Variants in ZC3H18 observed in about 807,000 individuals in gnomAD.
ZC3H18 encodes zinc finger CCCH domain-containing protein 18.
ZC3H18 carries 8 observed loss-of-function variants against 106.1 expected under a neutral mutation model. That is an observed-to-expected ratio of 0.08 (90% CI 0.04 to 0.14). ZC3H18 has a LOEUF of 0.14. ZC3H18 is among the 10% of genes least tolerant of loss of function. The pLI, the probability that ZC3H18 is intolerant of heterozygous loss-of-function variation, is 1.00. For missense variants in ZC3H18, 1,318 were observed against 1,278.4 expected, an observed-to-expected ratio of 1.03 and a Z score of -0.47; for synonymous variants, 635 against 522.1, an observed-to-expected ratio of 1.22 and a Z score of -2.95.
rs368867838 is a variant in ZC3H18 at position 88,622,256 on chromosome 16, C to T, written c.1535C>T (p.Ala512Val). The T allele has an allele frequency of 6.2e-7, 1 of 1,614,004 alleles. No individual in the cohort carries two copies. Among genetic ancestry groups the T allele is most frequent in the Non-Finnish European group, 8.5e-7 (1 of 1,180,002 alleles). The part of the protein sequence containing the change: ...AATTGPQVKR[A>V]DEWKDPWRRS... ...ACCACGGGGCCGCAGGTGAAGAGAG[C>T]AGATGAGTGGAAGGACCCTTGGCGC... is the stretch of plus-strand genomic sequence containing the variant. The change falls in exon 9 of 18, where the codon GCA becomes GTA. Residue 512 changes from alanine (A) to valine (V), a missense_variant. Physicochemically the swap from Ala to Val is moderately conservative, Grantham distance 64 (BLOSUM62 0). This residue lies in a region of ZC3H18 where 848 missense variants were observed against 821.7 expected (regional missense o/e 1.03). Transcript: ENST00000301011.
At chr16:88,592,569 G>T (rs1915814928) in intron 3 of ZC3H18, among the ~76,000 whole-genome samples, 1 of 152,146 alleles carries the variant, frequency 6.6e-6, no homozygotes, top group South Asian at 2.1e-4. Flanking sequence ...CCACCTCCCG[G>T]GTTCAAACGA....
chr16:88,623,510 C>CA, intron 10 of ZC3H18, 166 bp downstream of exon 10: 2 of 910,662 alleles, frequency 2.2e-6, no homozygotes, highest in South Asian at 3.5e-5. Flanking sequence ...CCCCACCAAA[C>CA]ACCAGCCTTG....
intron 3 of ZC3H18, among the ~76,000 whole-genome samples, chr16:88,596,800 A>C (rs548911688): frequency 6.6e-6 from 1 of 152,366 alleles, no homozygotes; most frequent in South Asian, 2.1e-4. Context: ...GAGGCAAACC[A>C]TGAAGAGCTC....
intron 8 of ZC3H18, among the ~76,000 whole-genome samples, chr16:88,612,572 G>A (rs1044040412): frequency 1.2e-4 from 18 of 151,794 alleles, no homozygotes; most frequent in African/African-American, 4.1e-4. Flanking sequence ...AGCTACTCGG[G>A]AGGCCAAGGC....
chr16:88,627,926 C>A lies in ZC3H18; in HGVS notation c.2276C>A (p.Ser759Tyr), dbSNP rs1399164255. Residue 759 changes from serine (S) to tyrosine (Y), a missense_variant, in exon 15 of 18, where the codon TCT (serine) becomes TAT (tyrosine). Coordinates refer to ENST00000301011, the MANE Select transcript of ZC3H18 (RefSeq NM_144604.4). This position sits in a 1 kb window ranked among gnomAD's most constrained non-coding sequence, Gnocchi z 4.5. ...PAQTRKEKGK[S>Y]KKEDGVKEEK... ...GCGGATTTATCATTGGTAGGAAAATCTAAGAAAGAAGACGGTGTTAAAGAG... is the reference window on the plus strand; with the variant it reads ...GCGGATTTATCATTGGTAGGAAAATATAAGAAAGAAGACGGTGTTAAAGAG... 6.2e-7 allele frequency: 1 copy of A among 1,614,016 alleles called. No individual in the cohort carries two copies. The highest frequency in any genetic ancestry group is 1.1e-5 in the South Asian group (1 of 91,090).
chr16:88,599,895 T>C lies in ZC3H18; in HGVS notation c.1035T>C (p.Asn345=). Residue 345 remains asparagine (N), a synonymous_variant, in exon 6 of 18, where the codon AAT becomes AAC. Transcript: ENST00000301011. The part of the protein sequence containing the change: ...GEDEREFDKE[N]EVFRDWNSRI... Reference sequence around the variant, plus strand: ...ACGAACGGGAATTTGACAAAGAAAATGAAGTTTTTCGAGATTGGAATTCTC... The same window carrying C: ...ACGAACGGGAATTTGACAAAGAAAACGAAGTTTTTCGAGATTGGAATTCTC... The C allele has an allele frequency of 1.2e-6, 2 of 1,614,058 alleles. No homozygotes were observed. The highest frequency in any genetic ancestry group is 1.7e-6 in the Non-Finnish European group (2 of 1,180,018).
In ZC3H18 at chr16:88,598,272, G is replaced by A. The variant is rs372857947; in HGVS notation, c.783G>A (p.Pro261=). The change falls in exon 4 of 18, where the codon CCG becomes CCA. Residue 261 remains proline (P), a synonymous_variant. Transcript: ENST00000301011. ...TAATCACCAAAGCCGACCCCTTCCCGCCTAATGGTGCCCCGCCTCTCGGAC... is the reference window on the plus strand; with the variant it reads ...TAATCACCAAAGCCGACCCCTTCCCACCTAATGGTGCCCCGCCTCTCGGAC... The part of the protein sequence containing the change: ...YSLITKADPF[P]PNGAPPLGPH... 1.3e-5 allele frequency: 21 copies of A among 1,612,518 alleles called. No homozygotes were observed. The South Asian group carries it at 1.3e-4, about 10-fold the overall frequency.
chr16:88,587,400 G>A (rs1467765042), intron 3 of ZC3H18: 4 of 665,574 alleles, frequency 6.0e-6, no homozygotes, highest in South Asian at 1.9e-5. Flanking sequence ...CATATTTCTT[G>A]TAATTCAGCG....
At chr16:88,583,945 C>T (rs1260171714) in intron 2 of ZC3H18, among the ~76,000 whole-genome samples, 3 of 152,196 alleles carry the variant, frequency 2.0e-5, no homozygotes, top group African/African-American at 7.2e-5. Flanking sequence ...GGAGTTCCTG[C>T]GTGGCAGACA....
intron 8 of ZC3H18, among the ~76,000 whole-genome samples, chr16:88,615,062 G>T (rs1466563780): frequency 7.0e-6 from 1 of 142,578 alleles, no homozygotes; most frequent in Non-Finnish European, 1.5e-5. Context: ...CCTCTGCCTG[G>T]ACGGGCTGCC....
At chr16:88,625,066 C>T in intron 12 of ZC3H18, 136 bp from the exon 13 acceptor site, 1 of 1,036,534 alleles carries the variant, frequency 9.6e-7, no homozygotes, top group Non-Finnish European at 1.4e-6. Context: ...TAAAGGAAGA[C>T]AGGCCCAGGC....
At chr16:88,629,092 A>G (rs1906503484) in intron 16 of ZC3H18, among the ~76,000 whole-genome samples, 1 of 152,246 alleles carries the variant, frequency 6.6e-6, no homozygotes, top group African/African-American at 2.4e-5. Flanking sequence ...TAATCCCAGC[A>G]CTTTGGGAGG....
chr16:88,606,309 C>T (rs1276143002), intron 6 of ZC3H18, among the ~76,000 whole-genome samples: 28 of 152,176 alleles, frequency 1.8e-4, no homozygotes, highest in Admixed American at 1.8e-3. Context: ...TTCCTGGTGG[C>T]GTGTTGTGTT....
intron 3 of ZC3H18, chr16:88,587,484 C>A: frequency 2.1e-6 from 3 of 1,440,278 alleles, no homozygotes; most frequent in Non-Finnish European, 2.8e-6. Flanking sequence ...ATGACTGTCA[C>A]TGCCAGCCTG....
intron 3 of ZC3H18, among the ~76,000 whole-genome samples, chr16:88,593,566 C>T (rs778749937): frequency 1.3e-5 from 2 of 152,202 alleles, no homozygotes; most frequent in African/African-American, 2.4e-5. Flanking sequence ...CAGTACTCAG[C>T]GTGGTGGAGT....
At position 88,623,964 on chromosome 16, in the gene ZC3H18, G is replaced by C; in HGVS notation, c.1800G>C (p.Arg600=). The part of the protein sequence containing the change: ...SSFSGSRSRS[R]SFSSSPSPSP... ...CCTTTGTTCACTCCCCTAGGTCCCG[G>C]TCCTTCTCTTCGTCCCCGTCCCCGT... Residue 600 remains arginine (R), a synonymous_variant, in exon 11 of 18, where the codon CGG becomes CGC. Coordinates refer to ENST00000301011, the MANE Select transcript of ZC3H18 (RefSeq NM_144604.4). 6.2e-7 allele frequency: 1 copy of C among 1,611,944 alleles called. No homozygotes were observed. The highest frequency in any genetic ancestry group is 1.1e-5 in the South Asian group (1 of 90,894).
chr16:88,604,697 A>G (rs1567589193), intron 6 of ZC3H18, among the ~76,000 whole-genome samples: 1 of 152,190 alleles, frequency 6.6e-6, no homozygotes, highest in African/African-American at 2.4e-5. Flanking sequence ...AAGAAAAAAA[A>G]AGAAATGTCA....
intron 1 of ZC3H18, among the ~76,000 whole-genome samples, chr16:88,576,032 C>G (rs867730782): frequency 1.3e-5 from 2 of 152,218 alleles, no homozygotes; most frequent in African/African-American, 4.8e-5. Context: ...TCCTGAATAG[C>G]TGGGACTACA....
rs576734579 is a variant in ZC3H18, at chr16:88,575,817, G to A, written c.-14-1293G>A. On this transcript the variant is annotated intron_variant, in intron 1 of 17. Transcript: ENST00000301011. ...CAGCCTCCACCTCCTGGGCTTAAGC[G>A]ATCCTCCTGCGTCAGACTCCCAAGT... Among the ~76,000 whole-genome samples the A allele has an allele frequency of 5.9e-5, 9 of 151,846 alleles. No homozygotes were observed. The East Asian group carries it at 1.2e-3, about 20-fold the overall frequency.
Sources: gnomAD v4.1 joint callset for allele counts (sites outside exome capture counted in the v4.1 genomes callset) on GRCh38, gnomAD v4.1.1 for gene constraint, gnomAD v4.1.1 regional missense constraint, Gnocchi (gnomAD v3.1) non-coding constraint, MANE v1.5 for transcripts, NCBI Gene and HGNC (gene_info 2026-07-23, HGNC 2026-07-21) for gene names.